The following XPO6 variants were observed in gnomAD, a reference collection of about 807,000 sequenced individuals.
XPO6 encodes exportin-6.
XPO6 carries 3 observed loss-of-function variants against 130.0 expected under a neutral mutation model. That is an observed-to-expected ratio of 0.02 (90% confidence interval 0.01 to 0.06). The LOEUF (loss-of-function observed/expected upper bound fraction) is 0.06. XPO6 is among the 10% of genes least tolerant of loss of function. The probability of loss-of-function intolerance (pLI) is 1.00; values close to 1 mark genes in which losing one functional copy is unlikely to be tolerated. For synonymous variants in XPO6, 524 were observed against 548.9 expected (o/e 0.95, Z 0.63); for missense variants, 970 against 1,393.0 (o/e 0.70, Z 4.83).
intron 4 of XPO6, 54 bp downstream of exon 4, chr16:28,175,844 C>T: frequency 8.5e-6 from 13 of 1,531,458 alleles, no homozygotes; most frequent in Non-Finnish European, 1.2e-5. Flanking sequence ...AGGAAATAAT[C>T]ACTTCAACAA....
At chr16:28,138,021 G>A (rs1209952327) in intron 9 of XPO6, among the ~76,000 whole-genome samples, 2 of 152,046 alleles carry the variant, frequency 1.3e-5, no homozygotes, top group Non-Finnish European at 1.5e-5. Flanking sequence ...GTATGCAAAC[G>A]ACTTAACAAC....
At chr16:28,131,689 CTAGTAATAGCACT>C (rs1261314503) in intron 12 of XPO6, among the ~76,000 whole-genome samples, 1 of 152,120 alleles carries the variant, frequency 6.6e-6, no homozygotes, top group African/African-American at 2.4e-5. Flanking sequence ...ACAGGGGTAA[CTAGTAATAGCACT>C]TACACCTCAC....
rs972787381 is a variant in XPO6 at position 28,115,362 on chromosome 16, G to A, written c.2004+1956C>T. Among the ~76,000 whole-genome samples, 4 of 152,318 alleles carry A rather than the reference G, an allele frequency of 2.6e-5. No homozygotes were observed. The South Asian group carries it at 8.3e-4, about 32-fold the overall frequency. The stretch of plus-strand genomic sequence containing the variant: ...TACAGAACTACAGAATGGATGTTGT[G>A]TGAGCAGCCATGGAAACTATGGAAA... On this transcript the variant is annotated intron_variant, in intron 15 of 23. Coordinates refer to ENST00000304658, the MANE Select transcript of XPO6 (RefSeq NM_015171.4).
intron 1 of XPO6, among the ~76,000 whole-genome samples, chr16:28,184,395 A>C (rs904356377): frequency 6.6e-6 from 1 of 152,200 alleles, no homozygotes; most frequent in Non-Finnish European, 1.5e-5. Flanking sequence ...GTAGATACAG[A>C]GTATCTTCAC....
At chr16:28,199,180 T>C (rs1363904328) in intron 1 of XPO6, among the ~76,000 whole-genome samples, 2 of 152,198 alleles carry the variant, frequency 1.3e-5, no homozygotes, top group African/African-American at 4.8e-5. Context: ...ACCCTTTTTA[T>C]AAAAATGTTT....
At chr16:28,173,967 C>A (rs1294252024) in intron 4 of XPO6, among the ~76,000 whole-genome samples, 1 of 152,206 alleles carries the variant, frequency 6.6e-6, no homozygotes, top group Non-Finnish European at 1.5e-5. Flanking sequence ...TCCCTCTCTT[C>A]TTGTCACAGG....
intron 6 of XPO6, among the ~76,000 whole-genome samples, chr16:28,163,679 G>A (rs1305986972): frequency 6.6e-6 from 1 of 152,208 alleles, no homozygotes; most frequent in African/African-American, 2.4e-5. Context: ...TCAGCGGTCA[G>A]AGAAGGTGAA....
At chr16:28,194,006 G>C (rs933232870) in intron 1 of XPO6, among the ~76,000 whole-genome samples, 1 of 152,050 alleles carries the variant, frequency 6.6e-6, no homozygotes, top group Non-Finnish European at 1.5e-5. Context: ...AGGGCAGGTC[G>C]CATCTAATGA....
intron 9 of XPO6, among the ~76,000 whole-genome samples, chr16:28,137,413 A>G (rs1416766812): frequency 6.6e-6 from 1 of 152,216 alleles, no homozygotes; most frequent in Non-Finnish European, 1.5e-5. Context: ...TTCTGTTCAA[A>G]TAATTAAGTA....
chr16:28,207,744 T>C (rs2141919498), intron 1 of XPO6, among the ~76,000 whole-genome samples: 1 of 152,288 alleles, frequency 6.6e-6, no homozygotes, highest in Non-Finnish European at 1.5e-5. Context: ...ACTCCACCAC[T>C]TGTCAACTAG....
In XPO6 at chr16:28,106,012, G is replaced by A. The variant is rs774752432; in HGVS notation, c.2784+31C>T. The stretch of plus-strand genomic sequence containing the variant: ...TCCCTTCCCAATCTGGAGATGGGGG[G>A]TGCTGCACAGGGGACCGTCTGAGCC... On this transcript the variant is annotated intron_variant, in intron 20 of 23. Transcript: ENST00000304658. The surrounding 1 kb of genome is among the most constrained non-coding windows in gnomAD (Gnocchi z 4.2). 1 of 1,599,180 alleles carries A rather than the reference G, an allele frequency of 6.3e-7. No homozygotes were observed. The highest frequency in any genetic ancestry group is 8.6e-7 in the Non-Finnish European group (1 of 1,168,230).
chr16:28,144,663 T>C (rs2042952231), intron 9 of XPO6, among the ~76,000 whole-genome samples: 1 of 152,218 alleles, frequency 6.6e-6, no homozygotes, highest in South Asian at 2.1e-4. Context: ...CAGTGGAGTC[T>C]CTCCTCTCCA....
At chr16:28,119,643 G>C (rs1487910679) in intron 14 of XPO6, among the ~76,000 whole-genome samples, 1 of 151,572 alleles carries the variant, frequency 6.6e-6, no homozygotes, top group Non-Finnish European at 1.5e-5. Context: ...TGATTAGTTA[G>C]ACCTTGGATC....
At position 28,130,855 on chromosome 16, in the gene XPO6, A is replaced by G. The variant is rs573299590; in HGVS notation, c.1606+1479T>C. Among the ~76,000 whole-genome samples, 9 of 152,364 alleles carry G rather than the reference A, an allele frequency of 5.9e-5. No individual in the cohort carries two copies. The South Asian group carries it at 1.9e-3, about 32-fold the overall frequency. On this transcript the variant is annotated intron_variant, in intron 12 of 23. Transcript: ENST00000304658. ...TAGACTTTCACCTAAAGACAGACAC[A>G]ACAGAATGTAAAAACACCAGCTTTT...
intron 4 of XPO6, 75 bp from the exon 5 acceptor site, chr16:28,169,984 T>G: frequency 6.4e-7 from 1 of 1,555,510 alleles, no homozygotes; most frequent in Non-Finnish European, 8.7e-7. Flanking sequence ...GCATTAAAGC[T>G]ATGAAGCATC....
Position 28,101,879 on chromosome 16 carries a change from T to C in XPO6, c.3013A>G (p.Thr1005Ala). Reference sequence around the variant, plus strand: ...TACAGCTTCTGCTTGGTGTTGAGAGTCTCCAAGTAGAAGAGATTTTGTTTA... The same window carrying C: ...TACAGCTTCTGCTTGGTGTTGAGAGCCTCCAAGTAGAAGAGATTTTGTTTA... ...LFKQNLFYLE[T>A]LNTKQKLYHK... The change falls in exon 22 of 24, where the codon ACT becomes GCT. Residue 1005 changes from threonine (T) to alanine (A), a missense_variant. Physicochemically the swap from Thr to Ala is moderately conservative, Grantham distance 58. Coordinates refer to ENST00000304658, the MANE Select transcript of XPO6 (RefSeq NM_015171.4). The surrounding 1 kb of genome is among the most constrained non-coding windows in gnomAD (Gnocchi z 5.4). 4 of 1,613,542 alleles carry C rather than the reference T, an allele frequency of 2.5e-6. No homozygotes were observed. The South Asian group carries it at 3.3e-5, about 13-fold the overall frequency.
chr16:28,148,899 C>T (rs113403774), intron 8 of XPO6, among the ~76,000 whole-genome samples: 4 of 151,860 alleles, frequency 2.6e-5, no homozygotes, highest in East Asian at 1.9e-4. Context: ...AAAAATTAGC[C>T]GGGTGGGATG....
Position 28,101,918 on chromosome 16 carries a change from C to T in XPO6, c.2974G>A (p.Asp992Asn), listed in dbSNP as rs775522622. ...QAFGQSFLQP[D>N]IHLFKQNLFY... ...AGATTTTGTTTAAAAAGGTGGATGT[C>T]GGGCTGGAGAAAGGACTGTCCGAAA... is the stretch of plus-strand genomic sequence containing the variant. The change falls in exon 22 of 24, where the codon GAC becomes AAC. Residue 992 changes from aspartate (D) to asparagine (N), a missense_variant. Around this residue, in one of 4 missense-constraint regions of XPO6, gnomAD observed 936 missense variants for 1,306.8 expected, o/e 0.72. Coordinates refer to ENST00000304658, the MANE Select transcript of XPO6 (RefSeq NM_015171.4). This position sits in a 1 kb window ranked among gnomAD's most constrained non-coding sequence, Gnocchi z 5.4. The T allele has an allele frequency of 3.1e-6, 5 of 1,613,926 alleles. No individual in the cohort carries two copies. The highest frequency in any genetic ancestry group is 1.1e-5 in the South Asian group (1 of 91,044).
At chr16:28,157,462 T>A (rs1267900692) in intron 6 of XPO6, among the ~76,000 whole-genome samples, 1 of 151,156 alleles carries the variant, frequency 6.6e-6, no homozygotes, top group Admixed American at 6.6e-5. Context: ...TCTCAAAAAA[T>A]AAAAAATAAA....
Sources: allele counts gnomAD v4.1 joint callset (sites outside exome capture counted in the v4.1 genomes callset), GRCh38; gene constraint gnomAD v4.1.1; regional missense constraint gnomAD v4.1.1; non-coding constraint Gnocchi (gnomAD v3.1); transcripts MANE v1.5; gene names NCBI Gene and HGNC (gene_info 2026-07-23, HGNC 2026-07-21).